SEMA4F: variants seen among roughly 807,000 people sequenced by gnomAD.
SEMA4F encodes the protein ssemaphorin 4F.
A neutral mutation model predicts 78.4 loss-of-function variants in SEMA4F; 51 were observed. The ratio of observed to expected loss-of-function variants is 0.65; its 90% CI spans 0.52 to 0.82. The LOEUF (loss-of-function observed/expected upper bound fraction) is 0.82, where lower values mean the gene tolerates loss of function less well. Ranked by LOEUF, SEMA4F falls within the 40% of genes least tolerant of loss-of-function variation. The pLI is 0.00. For missense variants in SEMA4F, 938 were observed against 1,014.4 expected (o/e 0.92, Z 1.02); for synonymous variants, 418 against 408.7 (o/e 1.02, Z -0.27).
At chr2:74,685,306 T>C (rs1010980373), downstream of SEMA4F, among the ~76,000 whole-genome samples, 4 of 152,138 alleles carry the variant, frequency 2.6e-5, no homozygotes, top group African/African-American at 9.7e-5. Flanking sequence ...GGAGTAGTTA[T>C]TCCCCAGGAT....
At chr2:74,697,904 G>A in the SEMA4F span, among the ~76,000 whole-genome samples, 21 of 152,034 alleles carry the variant, frequency 1.4e-4, no homozygotes, top group Admixed American at 1.4e-3. Context: ...GCTCCATCTT[G>A]CATCTCAAAA....
At chr2:74,656,456 T>C in intron 1 of SEMA4F, 78 bp from the exon 2 acceptor site, 1 of 1,457,330 alleles carries the variant, frequency 6.9e-7, no homozygotes, top group Middle Eastern at 2.0e-4. Context: ...AAACAAAAAT[T>C]GGCCCCTTTG....
chr2:74,657,625 G>A lies in SEMA4F; in HGVS notation c.357+1G>A. 1 of 1,614,092 alleles carries A rather than the reference G, an allele frequency of 6.2e-7. No individual in the cohort carries two copies. Among genetic ancestry groups the A allele is most frequent in the Non-Finnish European group, 8.5e-7 (1 of 1,179,944 alleles). Reference sequence around the variant, plus strand: ...CTGTAGGAAGAAAGGCAAGAAAGAGGTAGGTGTAAATCTGAGCCCTGTCTT... The same window carrying A: ...CTGTAGGAAGAAAGGCAAGAAAGAGATAGGTGTAAATCTGAGCCCTGTCTT... On this transcript the variant is annotated splice_donor_variant, in intron 3 of 13. Coordinates refer to ENST00000357877, the MANE Select transcript of SEMA4F (RefSeq NM_004263.5). LOFTEE classifies it high-confidence loss of function.
the SEMA4F span, among the ~76,000 whole-genome samples, chr2:74,693,273 A>C: frequency 1.3e-5 from 2 of 152,226 alleles, no homozygotes; most frequent in African/African-American, 4.8e-5. Flanking sequence ...GATTAACATC[A>C]CATCATTTGA....
chr2:74,678,274 G>C (rs1685400438), intron 12 of SEMA4F, among the ~76,000 whole-genome samples: 1 of 152,162 alleles, frequency 6.6e-6, no homozygotes, highest in Admixed American at 6.5e-5. Flanking sequence ...AGTGTGGGCT[G>C]TGTGTTTATG....
intron 1 of SEMA4F, among the ~76,000 whole-genome samples, chr2:74,654,826 C>A (rs1392778298): frequency 6.6e-6 from 1 of 152,244 alleles, no homozygotes; most frequent in Non-Finnish European, 1.5e-5. Context: ...CCTCACCGTG[C>A]AGACTCGGAC....
chr2:74,693,785 T>G, the SEMA4F span, among the ~76,000 whole-genome samples: 2 of 152,140 alleles, frequency 1.3e-5, no homozygotes, highest in Admixed American at 1.3e-4. Flanking sequence ...GTTCATAGGG[T>G]GTTTCCTCAT....
In SEMA4F at chr2:74,680,160, T is replaced by A. The variant is rs767381496; in HGVS notation, c.2264T>A (p.Ile755Asn). The part of the protein sequence containing the change: ...LLDPCPSPAH[I>N]RLTGAPLATC... Reference sequence around the variant, plus strand: ...GATCCTTGCCCAAGCCCAGCCCACATTCGGCTAACTGGGGCTCCTCTAGCC... The same window carrying A: ...GATCCTTGCCCAAGCCCAGCCCACAATCGGCTAACTGGGGCTCCTCTAGCC... The change falls in exon 14 of 14, where the codon ATT becomes AAT. Residue 755 changes from isoleucine (I) to asparagine (N), a missense_variant. Ile to Asn is a moderately radical substitution (Grantham distance 149). Coordinates refer to ENST00000357877, the MANE Select transcript of SEMA4F (RefSeq NM_004263.5). 16 of 1,600,012 alleles carry A rather than the reference T, an allele frequency of 1.0e-5. No homozygotes were observed. In the Admixed American group the frequency reaches 2.5e-4, roughly 25 times the overall value.
chr2:74,701,205 A>G, the SEMA4F span, among the ~76,000 whole-genome samples: 1 of 152,106 alleles, frequency 6.6e-6, no homozygotes, highest in East Asian at 1.9e-4. Flanking sequence ...CCCACATTCC[A>G]TCCTATTGAG....
chr2:74,666,861 TTTAC>T (rs1218601798), intron 5 of SEMA4F, among the ~76,000 whole-genome samples: 1 of 152,184 alleles, frequency 6.6e-6, no homozygotes, highest in Non-Finnish European at 1.5e-5. Flanking sequence ...AATAGGAGTA[TTTAC>T]TTAAAATTGT....
At chr2:74,706,482 C>A in the SEMA4F span, among the ~76,000 whole-genome samples, 1 of 152,028 alleles carries the variant, frequency 6.6e-6, no homozygotes. Context: ...GATCTGGCTG[C>A]ATAATCAGGG....
chr2:74,678,129 A>G (rs1685393660), intron 12 of SEMA4F, among the ~76,000 whole-genome samples: 1 of 152,164 alleles, frequency 6.6e-6, no homozygotes, highest in South Asian at 2.1e-4. Context: ...CATCTAAGAG[A>G]AAAGCAAGGG....
the SEMA4F span, among the ~76,000 whole-genome samples, chr2:74,690,488 G>C: frequency 7.2e-6 from 1 of 137,980 alleles, no homozygotes; most frequent in African/African-American, 3.3e-5. Context: ...GAAGATGGCA[G>C]TGGCAGCAGC....
chr2:74,668,800 T>G (rs1684827143), intron 5 of SEMA4F, among the ~76,000 whole-genome samples: 1 of 151,806 alleles, frequency 6.6e-6, no homozygotes, highest in Non-Finnish European at 1.5e-5. Flanking sequence ...CAGCTAATTT[T>G]TATATTTTTA....
chr2:74,690,245 T>TA, the SEMA4F span, among the ~76,000 whole-genome samples: 5 of 152,342 alleles, frequency 3.3e-5, no homozygotes, highest in East Asian at 9.6e-4. Flanking sequence ...AGTACTATCT[T>TA]ACAATCATTT....
chr2:74,654,338 C>T lies in SEMA4F; in HGVS notation c.-39C>T, dbSNP rs562050550. On this transcript the variant is annotated 5_prime_UTR_variant, in exon 1 of 14. Coordinates refer to ENST00000357877, the MANE Select transcript of SEMA4F (RefSeq NM_004263.5). ...TAGCCCCGGGGCCCTGAGCAGAGGCCGTAGCTTGCGCCGCACCCGCGGCCA... is the reference window on the plus strand; with the variant it reads ...TAGCCCCGGGGCCCTGAGCAGAGGCTGTAGCTTGCGCCGCACCCGCGGCCA... 15 of 1,444,972 alleles carry T rather than the reference C, an allele frequency of 1.0e-5. No individual in the cohort carries two copies. Among genetic ancestry groups the T allele is most frequent in the Admixed American group, 7.7e-5 (3 of 38,806 alleles). The allele number at this position is 1,444,972 out of a possible 1,614,324, so 89.5% of individuals were successfully genotyped here.
At chr2:74,671,036 A>T (rs549799288) in intron 5 of SEMA4F, among the ~76,000 whole-genome samples, 2 of 152,306 alleles carry the variant, frequency 1.3e-5, no homozygotes, top group East Asian at 3.9e-4. Context: ...TGAGTGGAAG[A>T]TGGCATTATC....
In SEMA4F at chr2:74,654,371, C is replaced by T. The variant is rs889145765; in HGVS notation, c.-6C>T. 8 of 1,495,078 alleles carry T rather than the reference C, an allele frequency of 5.4e-6. No homozygotes were observed. The highest frequency in any genetic ancestry group is 7.1e-6 in the Non-Finnish European group (8 of 1,129,966). 92.6% of individuals were successfully genotyped at this position (1,495,078 alleles called of 1,614,324 possible). ...GCGCCGCACCCGCGGCCAGGCGGAG[C>T]CAAAGATGCCGGCCTCTGCTGCGCG... is the stretch of plus-strand genomic sequence containing the variant. On this transcript the variant is annotated 5_prime_UTR_variant, in exon 1 of 14. Coordinates refer to ENST00000357877, the MANE Select transcript of SEMA4F (RefSeq NM_004263.5).
At chr2:74,704,546 T>C in the SEMA4F span, among the ~76,000 whole-genome samples, 1 of 151,888 alleles carries the variant, frequency 6.6e-6, no homozygotes, top group African/African-American at 2.4e-5. Context: ...AGATAATGCA[T>C]GTAGAGTATA....
Sources: allele counts gnomAD v4.1 joint callset (sites outside exome capture counted in the v4.1 genomes callset), GRCh38; gene constraint gnomAD v4.1.1; transcripts MANE v1.5; gene names NCBI Gene and HGNC (gene_info 2026-07-23, HGNC 2026-07-21).